BAZ2B: variants seen among roughly 807,000 people sequenced by gnomAD.
BAZ2B encodes bromodomain adjacent to zinc finger domain 2B, also known as bromodomain adjacent to zinc finger domain protein 2B.
A neutral mutation model predicts 246.0 loss-of-function variants in BAZ2B; 91 were observed. That is an observed-to-expected ratio of 0.37 (90% confidence interval 0.31 to 0.44). The LOEUF (loss-of-function observed/expected upper bound fraction) is 0.44, where lower values mean the gene tolerates loss of function less well. Among genes scored for constraint, BAZ2B ranks in the 20% least tolerant of loss-of-function variants. The probability of loss-of-function intolerance (pLI) is 1.00; values close to 1 mark genes in which losing one functional copy is unlikely to be tolerated. For synonymous variants in BAZ2B, 855 were observed against 860.0 expected, an observed-to-expected ratio of 0.99 and a Z score of 0.10; for missense variants, 2,332 against 2,533.7, an observed-to-expected ratio of 0.92 and a Z score of 1.71.
intron 1 of BAZ2B, among the ~76,000 whole-genome samples, chr2:159,613,909 C>T (rs1007104415): frequency 1.3e-5 from 2 of 152,150 alleles, no homozygotes; most frequent in African/African-American, 4.8e-5. Context: ...AAGACTGCTA[C>T]AGAAATAAAA....
chr2:159,649,077 G>A, the BAZ2B span, among the ~76,000 whole-genome samples: 4 of 152,140 alleles, frequency 2.6e-5, no homozygotes, highest in Non-Finnish European at 4.4e-5. Flanking sequence ...TACTAATGAT[G>A]TTGAGCATTT....
At position 159,432,848 on chromosome 2, in the gene BAZ2B, A is replaced by G. The variant is rs575200626; in HGVS notation, c.1809T>C (p.Asp603=). 1.2e-6 allele frequency: 2 copies of G among 1,614,010 alleles called. No individual in the cohort carries two copies. Among genetic ancestry groups the G allele is most frequent in the East Asian group, 4.5e-5 (2 of 44,902 alleles). ...GTDSDIPSSK[D]SEDSNEDEEE... Reference sequence around the variant, plus strand: ...CTTCATCCTCATTTGAATCTTCAGAATCTTTACTACTGGGAATGTCTGAAT... The same window carrying G: ...CTTCATCCTCATTTGAATCTTCAGAGTCTTTACTACTGGGAATGTCTGAAT... Residue 603 remains aspartate (D), a synonymous_variant, in exon 9 of 37, where the codon GAT becomes GAC. Transcript: ENST00000392783.
At chr2:159,706,711 G>A in the BAZ2B span, among the ~76,000 whole-genome samples, 4 of 152,204 alleles carry the variant, frequency 2.6e-5, no homozygotes, top group South Asian at 2.1e-4. Flanking sequence ...CTACTAAACT[G>A]TTCTCATTGT....
chr2:159,619,180 A>G (rs1408980873), upstream of BAZ2B, among the ~76,000 whole-genome samples: 1 of 152,056 alleles, frequency 6.6e-6, no homozygotes, highest in African/African-American at 2.4e-5. Context: ...TTTTAGAATC[A>G]TAATTCAAAA....
chr2:159,423,503 C>G (rs1388330662), intron 13 of BAZ2B, among the ~76,000 whole-genome samples: 1 of 152,170 alleles, frequency 6.6e-6, no homozygotes, highest in Non-Finnish European at 1.5e-5. Context: ...TTAGACCCAG[C>G]AATCCCACTA....
At chr2:159,342,784 G>C (rs1423760714) in intron 31 of BAZ2B, among the ~76,000 whole-genome samples, 1 of 152,070 alleles carries the variant, frequency 6.6e-6, no homozygotes, top group Non-Finnish European at 1.5e-5. Flanking sequence ...AAGAGGATGA[G>C]AGGATACAAT....
At chr2:159,621,881 G>A in the BAZ2B span, among the ~76,000 whole-genome samples, 1 of 152,100 alleles carries the variant, frequency 6.6e-6, no homozygotes, top group Non-Finnish European at 1.5e-5. Context: ...CGAGGCAGGT[G>A]GATCACCTGA....
intron 5 of BAZ2B, among the ~76,000 whole-genome samples, chr2:159,447,982 G>A (rs866512759): frequency 4.0e-5 from 6 of 151,878 alleles, no homozygotes; most frequent in South Asian, 4.2e-4. Context: ...ATTTAAACAC[G>A]TAGCTGGGCA....
intron 16 of BAZ2B, 31 bp downstream of exon 16, chr2:159,404,818 T>G: frequency 6.3e-7 from 1 of 1,581,640 alleles, no homozygotes; most frequent in Non-Finnish European, 8.6e-7. Flanking sequence ...AGTCCCATAT[T>G]TTAAAAGTCA....
At chr2:159,389,125 C>CCAAACAAA (rs879439658) in intron 21 of BAZ2B, among the ~76,000 whole-genome samples, 1 of 149,192 alleles carries the variant, frequency 6.7e-6, no homozygotes, top group African/African-American at 2.6e-5. Context: ...AACCAACCAA[C>CCAAACAAA]CAAACAAACA....
chr2:159,587,147 C>T (rs1474164434), intron 1 of BAZ2B, among the ~76,000 whole-genome samples: 2 of 151,370 alleles, frequency 1.3e-5, no homozygotes, highest in Non-Finnish European at 2.9e-5. Flanking sequence ...GGCGCAATCT[C>T]GGCTCACTGC....
chr2:159,517,156 C>T (rs1170813622), intron 2 of BAZ2B, among the ~76,000 whole-genome samples: 1 of 151,922 alleles, frequency 6.6e-6, no homozygotes, highest in African/African-American at 2.4e-5. Context: ...AAAAAAAATT[C>T]CTATGATCAG....
chr2:159,612,423 TTGA>T (rs1289908294), intron 1 of BAZ2B, among the ~76,000 whole-genome samples: 2 of 152,214 alleles, frequency 1.3e-5, no homozygotes, highest in Non-Finnish European at 2.9e-5. Flanking sequence ...TCACTAAAAC[TTGA>T]TGACGTAATT....
At chr2:159,560,491 G>C (rs537313471) in intron 1 of BAZ2B, among the ~76,000 whole-genome samples, 24 of 152,276 alleles carry the variant, frequency 1.6e-4, no homozygotes, top group Admixed American at 1.2e-3. Context: ...CATGGACATG[G>C]AGAAGTTAAG....
chr2:159,519,591 T>C (rs1173029216), intron 2 of BAZ2B, among the ~76,000 whole-genome samples: 1 of 150,450 alleles, frequency 6.6e-6, no homozygotes, highest in East Asian at 2.0e-4. Flanking sequence ...TCACATAAAA[T>C]GAGATAACCA....
chr2:159,601,105 G>T lies in BAZ2B; in HGVS notation c.-46+15137C>A, dbSNP rs192216439. Among the ~76,000 whole-genome samples, 14 of 152,248 alleles carry T rather than the reference G, an allele frequency of 9.2e-5. No homozygotes were observed. The East Asian group carries it at 9.6e-4, about 10-fold the overall frequency. ...AACAGCAAAGATCTCAAGAGACTCA[G>T]AGAAAAAGTTCTAGGAAAAAATATA... On this transcript the variant is annotated intron_variant, in intron 1 of 36. Transcript: ENST00000392783.
intron 2 of BAZ2B, among the ~76,000 whole-genome samples, chr2:159,495,767 A>T (rs2081044972): frequency 6.8e-6 from 1 of 146,704 alleles, no homozygotes; most frequent in Non-Finnish European, 1.5e-5. Flanking sequence ...TAATCGAAGA[A>T]GAAATACTTT....
the BAZ2B span, among the ~76,000 whole-genome samples, chr2:159,645,403 G>A: frequency 1.3e-5 from 2 of 152,138 alleles, no homozygotes; most frequent in Admixed American, 1.3e-4. Context: ...ATGGAGCAAG[G>A]TGGGAGGGTG....
At chr2:159,565,970 T>C (rs576222824) in intron 1 of BAZ2B, among the ~76,000 whole-genome samples, 1 of 152,260 alleles carries the variant, frequency 6.6e-6, no homozygotes, top group Non-Finnish European at 1.5e-5. Context: ...CAATACTATT[T>C]GGTAATAGGC....
Sources: allele counts gnomAD v4.1 joint callset (sites outside exome capture counted in the v4.1 genomes callset), GRCh38; gene constraint gnomAD v4.1.1; transcripts MANE v1.5; gene names NCBI Gene and HGNC (gene_info 2026-07-23, HGNC 2026-07-21).